The following PCYOX1L variants were observed in gnomAD, a reference collection of about 807,000 sequenced individuals.
PCYOX1L encodes the protein prenylcysteine oxidase 1 like, also known as prenylcysteine oxidase 1-like.
A neutral mutation model predicts 44.1 loss-of-function variants in PCYOX1L; 40 were observed. The observed-to-expected ratio is 0.91, with a 90% CI of 0.70 to 1.18. The LOEUF (loss-of-function observed/expected upper bound fraction) is 1.18. Ranked by LOEUF, PCYOX1L falls within the 50% of genes most tolerant of loss-of-function variation. The probability of loss-of-function intolerance (pLI) is 0.00; values close to 1 mark genes in which losing one functional copy is unlikely to be tolerated. For missense variants in PCYOX1L, 605 were observed against 653.3 expected (o/e 0.93, Z 0.81); for synonymous variants, 266 against 282.8 (o/e 0.94, Z 0.60).
chr5:149,360,130 G>T (rs1240546472), intron 1 of PCYOX1L, among the ~76,000 whole-genome samples: 2 of 152,230 alleles, frequency 1.3e-5, no homozygotes, highest in Non-Finnish European at 2.9e-5. Flanking sequence ...CTGGAACCCT[G>T]TTGCACTTCA....
At chr5:149,361,072 T>C (rs1180640815) in intron 1 of PCYOX1L, among the ~76,000 whole-genome samples, 1 of 152,230 alleles carries the variant, frequency 6.6e-6, no homozygotes, top group Admixed American at 6.5e-5. Context: ...TCCAGTTCAG[T>C]AGCTTCATAG....
chr5:149,358,109 T>A lies in PCYOX1L; in HGVS notation c.41T>A (p.Leu14His). The A allele has an allele frequency of 1.4e-6, 2 of 1,453,074 alleles. No homozygotes were observed. Among genetic ancestry groups the A allele is most frequent in the Non-Finnish European group, 1.8e-6 (2 of 1,105,456 alleles). The allele number at this position is 1,453,074 out of a possible 1,614,324, so 90.0% of individuals were successfully genotyped here. A position where few individuals can be genotyped will look rare whatever the true frequency, so the allele number is the denominator to read the frequency against. Residue 14 changes from leucine to histidine, a missense_variant, in exon 1 of 6, where the codon CTC becomes CAC. Coordinates refer to ENST00000274569, the MANE Select transcript of PCYOX1L (RefSeq NM_024028.4). ...AAPLLAALTALLAAAAAGGDA... is the reference protein window; with the variant it reads ...AAPLLAALTAHLAAAAAGGDA... Reference sequence around the variant, plus strand: ...CCGCTGCTCGCCGCGTTGACCGCGCTCCTCGCCGCCGCCGCTGCTGGCGGA... The same window carrying A: ...CCGCTGCTCGCCGCGTTGACCGCGCACCTCGCCGCCGCCGCTGCTGGCGGA...
intron 1 of PCYOX1L, among the ~76,000 whole-genome samples, chr5:149,358,829 C>A (rs753148032): frequency 2.6e-5 from 4 of 152,180 alleles, no homozygotes; most frequent in Non-Finnish European, 5.9e-5. Flanking sequence ...TGAAAATGTT[C>A]AGATGTACAG....
rs1408351451 is a variant in PCYOX1L, at chr5:149,358,119, C to G, written c.51C>G (p.Ala17=). The G allele has an allele frequency of 1.4e-6, 2 of 1,456,458 alleles. No homozygotes were observed. The highest frequency in any genetic ancestry group is 2.9e-5 in the African/African-American group (2 of 68,160). The allele number at this position is 1,456,458 out of a possible 1,614,324, so 90.2% of individuals were successfully genotyped here. Residue 17 remains alanine, a synonymous_variant, in exon 1 of 6, where the codon GCC becomes GCG. Coordinates refer to ENST00000274569, the MANE Select transcript of PCYOX1L (RefSeq NM_024028.4). ...CCGCGTTGACCGCGCTCCTCGCCGC[C>G]GCCGCTGCTGGCGGAGATGCCCCGC... ...LLAALTALLA[A]AAAGGDAPPG...
chr5:149,362,004 G>A (rs1758023917), intron 1 of PCYOX1L: 1 of 154,516 alleles, frequency 6.5e-6, no homozygotes, highest in Non-Finnish European at 1.4e-5. Flanking sequence ...TAGACCAGGA[G>A]TTGGCATACT....
At chr5:149,366,286 C>A in intron 4 of PCYOX1L, 133 bp downstream of exon 4, 1 of 893,634 alleles carries the variant, frequency 1.1e-6, no homozygotes, top group Non-Finnish European at 1.7e-6. Flanking sequence ...GCTGCCCCAT[C>A]CTGCCTGATT....
At chr5:149,359,511 T>C (rs1452734594) in intron 1 of PCYOX1L, among the ~76,000 whole-genome samples, 1 of 152,364 alleles carries the variant, frequency 6.6e-6, no homozygotes, top group Admixed American at 6.5e-5. Flanking sequence ...GTGTTCTCTC[T>C]CTGTCCTTAG....
In PCYOX1L at chr5:149,368,064, G is replaced by A; in HGVS notation, c.895G>A (p.Val299Ile). The A allele has an allele frequency of 6.3e-7, 1 of 1,598,366 alleles. No homozygotes were observed. Among genetic ancestry groups the A allele is most frequent in the Non-Finnish European group, 8.5e-7 (1 of 1,172,742 alleles). Residue 299 changes from valine to isoleucine, a missense_variant, in exon 6 of 6, where the codon GTC becomes ATC. Physicochemically the swap from Val to Ile is conservative, Grantham distance 29. Transcript: ENST00000274569. ...GNSSDFYDIV[V>I]IATPLHLDNS... ...CAGCTCTGACTTCTATGACATCGTGGTCATCGCCACCCCCCTGCACCTGGA... is the reference window on the plus strand; with the variant it reads ...CAGCTCTGACTTCTATGACATCGTGATCATCGCCACCCCCCTGCACCTGGA...
intron 1 of PCYOX1L, among the ~76,000 whole-genome samples, chr5:149,358,928 G>T (rs1043401336): frequency 3.9e-5 from 6 of 152,124 alleles, no homozygotes; most frequent in Admixed American, 3.9e-4. Context: ...TAACTATCAC[G>T]CACTGTTCTA....
At chr5:149,366,387 T>G (rs186263172) in intron 4 of PCYOX1L, among the ~76,000 whole-genome samples, 8 of 152,400 alleles carry the variant, frequency 5.2e-5, no homozygotes, top group Non-Finnish European at 7.3e-5. Flanking sequence ...AGTGTGTTTC[T>G]ACCACTCCCA....
chr5:149,367,849 T>C (rs912512420), intron 5 of PCYOX1L, 144 bp from the exon 6 acceptor site: 16 of 858,062 alleles, frequency 1.9e-5, no homozygotes, highest in Non-Finnish European at 2.6e-5. Flanking sequence ...CGCATCAGCA[T>C]GGAGAGGCCA....
At chr5:149,363,612 A>C in intron 2 of PCYOX1L, 1 of 221,870 alleles carries the variant, frequency 4.5e-6, no homozygotes. Context: ...GGGGGTGGGG[A>C]AGGAACAAGT....
intron 3 of PCYOX1L, chr5:149,365,739 T>C: frequency 1.7e-6 from 1 of 601,208 alleles, no homozygotes. Context: ...AAGGATTCCA[T>C]ACCTTCACAC....
At position 149,366,099 on chromosome 5, in the gene PCYOX1L, T is replaced by G; in HGVS notation, c.628T>G (p.Ser210Ala). ...VTQRFIDDVVSAVLRASYGQS... is the reference protein window; with the variant it reads ...VTQRFIDDVVAAVLRASYGQS... The stretch of plus-strand genomic sequence containing the variant: ...GCAGCGCTTTATTGATGATGTCGTT[T>G]CTGCTGTCCTGCGGGCCAGCTATGG... The change falls in exon 4 of 6, where the codon TCT (serine) becomes GCT (alanine). Residue 210 changes from serine to alanine, a missense_variant. By Grantham distance (99) the Ser-to-Ala change is moderately conservative. Coordinates refer to ENST00000274569, the MANE Select transcript of PCYOX1L (RefSeq NM_024028.4). The G allele has an allele frequency of 6.2e-7, 1 of 1,614,106 alleles. No individual in the cohort carries two copies. The highest frequency in any genetic ancestry group is 1.1e-5 in the South Asian group (1 of 91,080).
At chr5:149,364,910 C>G (rs1347111368) in intron 3 of PCYOX1L, 1 of 152,456 alleles carries the variant, frequency 6.6e-6, no homozygotes. Flanking sequence ...GTTCACCAAG[C>G]TGTCACTCCA....
chr5:149,366,236 C>T, intron 4 of PCYOX1L, 83 bp downstream of exon 4: 1 of 1,410,246 alleles, frequency 7.1e-7, no homozygotes, highest in Non-Finnish European at 9.7e-7. Context: ...CCATAATAAC[C>T]TCACTTTTAT....
chr5:149,367,021 C>T (rs1052496243), intron 4 of PCYOX1L, among the ~76,000 whole-genome samples: 4 of 152,192 alleles, frequency 2.6e-5, no homozygotes, highest in African/African-American at 9.7e-5. Flanking sequence ...CCCCCTTGCC[C>T]TTTAGCCCTC....
chr5:149,358,713 G>A (rs1757923797), intron 1 of PCYOX1L, among the ~76,000 whole-genome samples: 2 of 152,228 alleles, frequency 1.3e-5, no homozygotes, highest in South Asian at 4.1e-4. Flanking sequence ...GACAGTCCTG[G>A]CAGAGACAGA....
rs757913252 is a variant in PCYOX1L at position 149,368,018 on chromosome 5, G to A, written c.849G>A (p.Ala283=). The A allele has an allele frequency of 2.8e-5, 44 of 1,545,952 alleles. No individual in the cohort carries two copies. The highest frequency in any genetic ancestry group is 4.1e-5 in the African/African-American group (3 of 72,402). The change falls in exon 6 of 6, where the codon GCG becomes GCA. Residue 283 remains alanine (A), a synonymous_variant. Transcript: ENST00000274569. ...STEGKALYQV[A]YENEVGNSSD... Reference sequence around the variant, plus strand: ...AGGGGAAAGCCCTGTACCAGGTGGCGTATGAGAATGAGGTAGGCAACAGCT... The same window carrying A: ...AGGGGAAAGCCCTGTACCAGGTGGCATATGAGAATGAGGTAGGCAACAGCT...
Sources: allele counts gnomAD v4.1 joint callset (sites outside exome capture counted in the v4.1 genomes callset), GRCh38; gene constraint gnomAD v4.1.1; transcripts MANE v1.5; gene names NCBI Gene and HGNC (gene_info 2026-07-23, HGNC 2026-07-21).